The following ESR1 variants were observed in gnomAD, a reference collection of about 807,000 sequenced individuals.
ESR1 encodes the protein estrogen receptor 1.
Under a neutral mutation model 52.7 loss-of-function variants are expected in ESR1, and 12 were observed. The observed-to-expected ratio is 0.23, with a 90% CI of 0.15 to 0.37. ESR1 has a LOEUF of 0.37. Ranked by LOEUF, ESR1 falls within the 10% of genes least tolerant of loss-of-function variation. ESR1 has a pLI of 1.00. For synonymous variants in ESR1, 305 were observed against 316.8 expected, an observed-to-expected ratio of 0.96 and a Z score of 0.39; for missense variants, 584 against 779.7, an observed-to-expected ratio of 0.75 and a Z score of 2.99.
chr6:151,906,577 A>G (rs1797491033), intron 3 of ESR1, among the ~76,000 whole-genome samples: 1 of 151,648 alleles, frequency 6.6e-6, no homozygotes. Flanking sequence ...CAAATACTAT[A>G]GCAACAAAAT....
In ESR1 at chr6:152,125,397, T is replaced by C. The variant is rs755552760; in HGVS notation, c.*49T>C. The C allele has an allele frequency of 2.0e-6, 3 of 1,527,436 alleles. No homozygotes were observed. In the African/African-American group the frequency reaches 4.1e-5, roughly 21 times the overall value. 94.6% of individuals were successfully genotyped at this position (1,527,436 alleles called of 1,614,324 possible). ...AGTATCCTGCAGATCATCAAATCCGTGTGTGGACGTGGGGACATTTTGTTT... is the reference window on the plus strand; with the variant it reads ...AGTATCCTGCAGATCATCAAATCCGCGTGTGGACGTGGGGACATTTTGTTT... On this transcript the variant is annotated 3_prime_UTR_variant, in exon 7 of 7. Coordinates refer to the ESR1 transcript ENST00000427531.
At chr6:151,673,490 T>A (rs933423900) in intron 1 of ESR1, among the ~76,000 whole-genome samples, 3 of 152,184 alleles carry the variant, frequency 2.0e-5, no homozygotes, top group Admixed American at 2.0e-4. Context: ...CAAAGTAGCG[T>A]GGACAATTTT....
At chr6:151,811,001 T>C (rs950729563) in intron 1 of ESR1, 1 of 152,228 alleles carries the variant, frequency 6.6e-6, no homozygotes, top group Non-Finnish European at 1.5e-5. Context: ...TTAACTTTTC[T>C]ATTGTAGAAT....
At chr6:151,921,840 C>T (rs1021433699) in intron 3 of ESR1, among the ~76,000 whole-genome samples, 1 of 152,072 alleles carries the variant, frequency 6.6e-6, no homozygotes, top group Non-Finnish European at 1.5e-5. Flanking sequence ...GATATTAAAC[C>T]TTTGTCAGAT....
At chr6:151,699,652 C>A (rs772804864) in intron 1 of ESR1, among the ~76,000 whole-genome samples, 1 of 151,990 alleles carries the variant, frequency 6.6e-6, no homozygotes, top group Non-Finnish European at 1.5e-5. Context: ...GTATTGAGTT[C>A]GTGTTAATGA....
chr6:152,040,991 A>G (rs2045745861), intron 5 of ESR1, among the ~76,000 whole-genome samples: 1 of 152,188 alleles, frequency 6.6e-6, no homozygotes, highest in Non-Finnish European at 1.5e-5. Context: ...TTATGGCTAG[A>G]TGGGTCAAAA....
In ESR1 at chr6:152,102,741, C is replaced by G. The variant is rs2152511198; in HGVS notation, c.*3775C>G. On this transcript the variant is annotated 3_prime_UTR_variant, in exon 8 of 8. Transcript: ENST00000206249. ...TTATGGCACTTCAATTTTGCACTGTCTTTTGAGATTCAAGAAAAATTTCTA... is the reference window on the plus strand; with the variant it reads ...TTATGGCACTTCAATTTTGCACTGTGTTTTGAGATTCAAGAAAAATTTCTA... 4.6e-6 allele frequency: 1 copy of G among 219,174 alleles called. No homozygotes were observed. The highest frequency in any genetic ancestry group is 9.2e-6 in the Non-Finnish European group (1 of 108,944). 13.6% of individuals were successfully genotyped at this position (219,174 alleles called of 1,614,324 possible).
chr6:151,771,160 T>C (rs1262360046), intron 2 of ESR1, among the ~76,000 whole-genome samples: 1 of 152,228 alleles, frequency 6.6e-6, no homozygotes, highest in Non-Finnish European at 1.5e-5. Flanking sequence ...CACTCTCCCC[T>C]TATTATGGAG....
chr6:152,068,338 GA>G (rs2048130075), intron 6 of ESR1, among the ~76,000 whole-genome samples: 1 of 152,194 alleles, frequency 6.6e-6, no homozygotes, highest in African/African-American at 2.4e-5. Context: ...AAGCATCTGT[GA>G]AAAATGTGTT....
intron 2 of ESR1, among the ~76,000 whole-genome samples, chr6:151,874,291 T>A (rs1479504595): frequency 6.6e-6 from 1 of 152,164 alleles, no homozygotes; most frequent in Non-Finnish European, 1.5e-5. Flanking sequence ...GTACTGTATA[T>A]CTCTTTAGGG....
At chr6:152,104,631 C>G (rs1473662320), downstream of ESR1, among the ~76,000 whole-genome samples, 1 of 152,154 alleles carries the variant, frequency 6.6e-6, no homozygotes, top group African/African-American at 2.4e-5. Flanking sequence ...TGGTCTCTGG[C>G]CCCAGTTTCT....
intron 1 of ESR1, among the ~76,000 whole-genome samples, chr6:151,829,451 G>C (rs1444593825): frequency 6.6e-6 from 1 of 152,108 alleles, no homozygotes; most frequent in Non-Finnish European, 1.5e-5. Context: ...AATCATTTTA[G>C]CATTAGAAAC....
chr6:151,886,811 C>T (rs967927363), intron 3 of ESR1, among the ~76,000 whole-genome samples: 6 of 151,952 alleles, frequency 3.9e-5, no homozygotes, highest in East Asian at 1.9e-4. Context: ...GAGGCCGAGG[C>T]GGGTGGATCA....
At chr6:151,845,415 G>GAT (rs1419391488) in intron 2 of ESR1, among the ~76,000 whole-genome samples, 1 of 151,874 alleles carries the variant, frequency 6.6e-6, no homozygotes, top group East Asian at 1.9e-4. Context: ...CTAAAAATAT[G>GAT]AAAATTAGCT....
At chr6:151,897,778 C>A (rs1487492695) in intron 3 of ESR1, among the ~76,000 whole-genome samples, 1 of 151,970 alleles carries the variant, frequency 6.6e-6, no homozygotes, top group African/African-American at 2.4e-5. Context: ...TGTTTTATAC[C>A]TCCAATGAGA....
At chr6:151,844,953 TAAGGA>T (rs1286748873) in intron 2 of ESR1, among the ~76,000 whole-genome samples, 1 of 151,996 alleles carries the variant, frequency 6.6e-6, no homozygotes, top group Non-Finnish European at 1.5e-5. Context: ...ATGAGAAAGA[TAAGGA>T]AAACAATAGA....
intron 2 of ESR1, among the ~76,000 whole-genome samples, chr6:151,795,350 G>A (rs1203256341): frequency 6.6e-6 from 1 of 151,976 alleles, no homozygotes; most frequent in Non-Finnish European, 1.5e-5. Context: ...AGCTGGGTGT[G>A]GTGGTGCATA....
At chr6:152,073,708 G>A (rs1213256536) in intron 6 of ESR1, among the ~76,000 whole-genome samples, 1 of 152,140 alleles carries the variant, frequency 6.6e-6, no homozygotes, top group Non-Finnish European at 1.5e-5. Context: ...TAGCTTTTGA[G>A]CACTGGGCCA....
chr6:152,025,236 A>G (rs1184106169), intron 5 of ESR1, among the ~76,000 whole-genome samples: 1 of 148,308 alleles, frequency 6.7e-6, no homozygotes, highest in Admixed American at 6.7e-5. Flanking sequence ...AGTGTTAAAC[A>G]TCCATTACAA....
Sources: allele counts gnomAD v4.1 joint callset (sites outside exome capture counted in the v4.1 genomes callset), GRCh38; gene constraint gnomAD v4.1.1; transcripts MANE v1.5; gene names NCBI Gene and HGNC (gene_info 2026-07-23, HGNC 2026-07-21).